MED1: variants seen among roughly 807,000 people sequenced by gnomAD.
MED1 encodes mediator of RNA polymerase II transcription subunit 1.
In MED1, 17 loss-of-function variants were observed where a neutral mutation model predicts 121.3. The ratio of observed to expected loss-of-function variants is 0.14; its 90% confidence interval spans 0.10 to 0.21. MED1 has a LOEUF of 0.21. Ranked by LOEUF, MED1 falls within the 10% of genes least tolerant of loss-of-function variation. MED1 has a pLI of 1.00. For synonymous variants in MED1, 661 were observed against 694.4 expected (o/e 0.95, Z 0.76); for missense variants, 1,558 against 1,919.4 (o/e 0.81, Z 3.52).
chr17:39,407,384 CCTGT>C lies in MED1; in HGVS notation c.*87_*90del, dbSNP rs2048312094. 1 of 1,464,252 alleles carries C rather than the reference CCTGT, an allele frequency of 6.8e-7. No individual in the cohort carries two copies. Among genetic ancestry groups the C allele is most frequent in the African/African-American group, 1.4e-5 (1 of 70,508 alleles). The allele number at this position is 1,464,252 out of a possible 1,614,324, so 90.7% of individuals were successfully genotyped here. A position where few individuals can be genotyped will look rare whatever the true frequency, so the allele number is the denominator to read the frequency against. On this transcript the variant is annotated 3_prime_UTR_variant, in exon 17 of 17. Transcript: ENST00000300651. Reference sequence around the variant, plus strand: ...ATTTAGGATTCTTAACCAAATCAGACCTGTCTGACTCACCCCTTATGGTGGTTTG... The same window carrying C: ...ATTTAGGATTCTTAACCAAATCAGACCTGACTCACCCCTTATGGTGGTTTG...
intron 6 of MED1, among the ~76,000 whole-genome samples, chr17:39,437,482 A>C (rs1597870589): frequency 6.6e-6 from 1 of 152,158 alleles, no homozygotes; most frequent in African/African-American, 2.4e-5. Flanking sequence ...GCAACTAATG[A>C]AGAGGCCAGG....
intron 14 of MED1, among the ~76,000 whole-genome samples, chr17:39,418,100 A>AAAG (rs1421746739): frequency 4.0e-5 from 6 of 151,290 alleles, no homozygotes; most frequent in Non-Finnish European, 5.9e-5. Context: ...AAAAAAAAAA[A>AAAG]AAAAAAAAAA....
At position 39,440,524 on chromosome 17, in the gene MED1, A is replaced by G. The variant is rs1226119005; in HGVS notation, c.267-6T>C. 6.8e-6 allele frequency: 11 copies of G among 1,612,286 alleles called. No homozygotes were observed. The highest frequency in any genetic ancestry group is 9.3e-6 in the Non-Finnish European group (11 of 1,179,704). On this transcript the variant is annotated splice_region_variant and splice_polypyrimidine_tract_variant and intron_variant, in intron 4 of 16. Transcript: ENST00000300651. The surrounding 1 kb of genome is among the most constrained non-coding windows in gnomAD (Gnocchi z 4.1). ...CACTGAGATGAGAGCCCAGTCTAGC[A>G]GGAACAAATCAAAACAAAAATTAAT... is the stretch of plus-strand genomic sequence containing the variant.
At chr17:39,412,722 G>C (rs2048368742) in intron 16 of MED1, among the ~76,000 whole-genome samples, 1 of 151,522 alleles carries the variant, frequency 6.6e-6, no homozygotes, top group Non-Finnish European at 1.5e-5. Flanking sequence ...ATTTTTAGTA[G>C]AGATGGGGTT....
At chr17:39,444,732 G>A (rs988275208) in intron 2 of MED1, among the ~76,000 whole-genome samples, 1 of 151,778 alleles carries the variant, frequency 6.6e-6, no homozygotes, top group African/African-American at 2.4e-5. Flanking sequence ...AGCCAGGTGT[G>A]GTGGTACGCG....
intron 14 of MED1, among the ~76,000 whole-genome samples, chr17:39,418,977 TG>T (rs145542417): frequency 0.041 from 6,245 of 152,084 alleles, 172 homozygotes; most frequent in Non-Finnish European, 0.065. Flanking sequence ...TAGTAGAGAC[TG>T]GGTTTCACTA....
In MED1 at chr17:39,434,248, C is replaced by T. The variant is rs2048597390; in HGVS notation, c.500+1G>A. On this transcript the variant is annotated splice_donor_variant, in intron 7 of 16. Coordinates refer to ENST00000300651, the MANE Select transcript of MED1 (RefSeq NM_004774.4). LOFTEE classifies it high-confidence loss of function. ...AAAGCAAAAATATTAAAAATACTTA[C>T]TTGTCCCCTGGAAGGTTATACAGAT... is the stretch of plus-strand genomic sequence containing the variant. The T allele has an allele frequency of 6.5e-7, 1 of 1,531,018 alleles. No homozygotes were observed. Among genetic ancestry groups the T allele is most frequent in the African/African-American group, 1.4e-5 (1 of 70,264 alleles). 94.8% of individuals were successfully genotyped at this position (1,531,018 alleles called of 1,614,324 possible).
In MED1 at chr17:39,405,610, CCTTA is replaced by C; in HGVS notation, c.*1861_*1864del. The C allele has an allele frequency of 1.7e-6, 2 of 1,149,956 alleles. No individual in the cohort carries two copies. The highest frequency in any genetic ancestry group is 1.1e-6 in the Non-Finnish European group (1 of 932,738). 71.2% of individuals were successfully genotyped at this position (1,149,956 alleles called of 1,614,324 possible). A position where few individuals can be genotyped will look rare whatever the true frequency, so the allele number is the denominator to read the frequency against. On this transcript the variant is annotated 3_prime_UTR_variant, in exon 17 of 17. Transcript: ENST00000300651. Reference sequence around the variant, plus strand: ...CTCTGGTATCACCTGCCCATATCCTCCTTAGTGTCACCCAAGACATTTGACTCTG... The same window carrying C: ...CTCTGGTATCACCTGCCCATATCCTCGTGTCACCCAAGACATTTGACTCTG...
rs1363885150 is a variant in MED1 at position 39,406,319 on chromosome 17, G to C, written c.*1156C>G. 4 of 985,392 alleles carry C rather than the reference G, an allele frequency of 4.1e-6. No homozygotes were observed. The highest frequency in any genetic ancestry group is 4.8e-6 in the Non-Finnish European group (4 of 829,932). 61.0% of individuals were successfully genotyped at this position (985,392 alleles called of 1,614,324 possible). On this transcript the variant is annotated 3_prime_UTR_variant, in exon 17 of 17. Coordinates refer to ENST00000300651, the MANE Select transcript of MED1 (RefSeq NM_004774.4). ...TGTTTTATCTCAGGGAGCATACAGT[G>C]GAGTGATTAAAGTTTGGACTCCTTC...
Position 39,407,113 on chromosome 17 carries a change from C to T in MED1, c.*362G>A, listed in dbSNP as rs890508656. The T allele has an allele frequency of 1.4e-5, 14 of 1,005,712 alleles. No homozygotes were observed. In the African/African-American group the frequency reaches 2.1e-4, roughly 15 times the overall value. 62.3% of individuals were successfully genotyped at this position (1,005,712 alleles called of 1,614,324 possible). On this transcript the variant is annotated 3_prime_UTR_variant, in exon 17 of 17. Coordinates refer to ENST00000300651, the MANE Select transcript of MED1 (RefSeq NM_004774.4). ...TACATGCACTAAAATGAGTTTAAAA[C>T]ATGGCCTAAAAATGGAAAAAGGGAG...
At chr17:39,442,627 C>T (rs1314066729) in intron 3 of MED1, among the ~76,000 whole-genome samples, 3 of 145,590 alleles carry the variant, frequency 2.1e-5, no homozygotes, top group Non-Finnish European at 4.5e-5. Flanking sequence ...AAAAACTTCG[C>T]GAGTTGCTGT....
intron 10 of MED1, 72 bp from the exon 11 acceptor site, chr17:39,424,810 G>A: frequency 1.1e-6 from 1 of 915,912 alleles, no homozygotes; most frequent in South Asian, 1.5e-5. Flanking sequence ...TGTTTTAAGA[G>A]GTTAATTTTT....
chr17:39,433,191 A>C (rs1051657060), intron 7 of MED1, among the ~76,000 whole-genome samples: 2 of 151,930 alleles, frequency 1.3e-5, no homozygotes, highest in African/African-American at 4.8e-5. Context: ...CGACAGAGCA[A>C]GAGTCCATCT....
At position 39,447,905 on chromosome 17, in the gene MED1, C is replaced by CT. The variant is rs1343620832; in HGVS notation, c.26-2dup. 2 of 1,601,906 alleles carry CT rather than the reference C, an allele frequency of 1.2e-6. No individual in the cohort carries two copies. The highest frequency in any genetic ancestry group is 1.7e-5 in the Admixed American group (1 of 59,546). The stretch of plus-strand genomic sequence containing the variant: ...CTCATCTTACTCAGCTTTTCTGACT[C>CT]TATGATTTAAATCAGAAAACGTTAT... On this transcript the variant is annotated splice_acceptor_variant, in intron 1 of 16. Coordinates refer to ENST00000300651, the MANE Select transcript of MED1 (RefSeq NM_004774.4). LOFTEE classifies it high-confidence loss of function.
rs1432814167 is a variant in MED1 at position 39,409,549 on chromosome 17, T to A, written c.2672A>T (p.Asp891Val). The A allele has an allele frequency of 6.2e-7, 1 of 1,614,170 alleles. No homozygotes were observed. The highest frequency in any genetic ancestry group is 1.7e-5 in the Admixed American group (1 of 60,006). ...TGCAAATCCTTTGAAATCATCATTA[T>A]CCCCACTTTGGCTGCTTTCATCAAA... ...EYFDESSQSG[D>V]NDDFKGFASQ... Residue 891 changes from aspartate (D) to valine (V), a missense_variant, in exon 17 of 17, where the codon GAT (aspartate) becomes GTT (valine). Physicochemically the swap from Asp to Val is radical, Grantham distance 152. Around this residue, in one of 5 missense-constraint regions of MED1, gnomAD observed 793 missense variants for 898.2 expected, o/e 0.88. Coordinates refer to ENST00000300651, the MANE Select transcript of MED1 (RefSeq NM_004774.4).
rs866464899 is a variant in MED1, at chr17:39,443,459, C to G, written c.211+91G>C. 4.5e-5 allele frequency: 49 copies of G among 1,083,972 alleles called. No individual in the cohort carries two copies. In the Middle Eastern group the frequency reaches 1.2e-3, roughly 27 times the overall value. The allele number at this position is 1,083,972 out of a possible 1,614,324, so 67.1% of individuals were successfully genotyped here. A position where few individuals can be genotyped will look rare whatever the true frequency, so the allele number is the denominator to read the frequency against. ...TATCTAATACATAAAGTTGACCTAC[C>G]TCAATTTTTTACTTCTAGTTTAAGT... On this transcript the variant is annotated intron_variant, in intron 3 of 16. Transcript: ENST00000300651.
intron 14 of MED1, among the ~76,000 whole-genome samples, chr17:39,418,612 T>C (rs1291480304): frequency 1.3e-5 from 2 of 151,672 alleles, no homozygotes; most frequent in Non-Finnish European, 2.9e-5. Context: ...GCCCCTAAAA[T>C]ACCCAGTTAC....
intron 13 of MED1, among the ~76,000 whole-genome samples, chr17:39,420,216 T>C (rs886379206): frequency 6.6e-6 from 1 of 150,950 alleles, no homozygotes; most frequent in African/African-American, 2.4e-5. Context: ...TTTTTTTTTT[T>C]TGAGACAGAG....
At chr17:39,420,491 A>AAAAAATAAAATAAATT (rs1482109965) in intron 13 of MED1, among the ~76,000 whole-genome samples, 1 of 151,828 alleles carries the variant, frequency 6.6e-6, no homozygotes, top group East Asian at 1.9e-4. Context: ...ATAAACAACC[A>AAAAAATAAAATAAATT]CGCCCGGCTG....
Sources: allele counts gnomAD v4.1 joint callset (sites outside exome capture counted in the v4.1 genomes callset), GRCh38; gene constraint gnomAD v4.1.1; regional missense constraint gnomAD v4.1.1; non-coding constraint Gnocchi (gnomAD v3.1); transcripts MANE v1.5; gene names NCBI Gene and HGNC (gene_info 2026-07-23, HGNC 2026-07-21).